The following SLC9C1 variants were observed in gnomAD, a reference collection of about 807,000 sequenced individuals.
SLC9C1 encodes solute carrier family 9 member C1, also known as sodium/hydrogen exchanger 10.
Under a neutral mutation model 140.9 loss-of-function variants are expected in SLC9C1, and 97 were observed. The observed-to-expected ratio is 0.69, with a 90% CI of 0.58 to 0.82. The LOEUF (loss-of-function observed/expected upper bound fraction) is 0.82, where lower values mean the gene tolerates loss of function less well. Among genes scored for constraint, SLC9C1 ranks in the 40% least tolerant of loss-of-function variants. The pLI, the probability that SLC9C1 is intolerant of heterozygous loss-of-function variation, is 0.00. For missense variants in SLC9C1, 1,340 were observed against 1,389.3 expected, an observed-to-expected ratio of 0.96 and a Z score of 0.56; for synonymous variants, 440 against 442.6, an observed-to-expected ratio of 0.99 and a Z score of 0.07.
rs565812796 is a variant in SLC9C1, at chr3:112,250,277, G to C, written c.1198-6201C>G. ...TTATGGCTGCATAGTATTCCATGGT[G>C]TATATGTGCCACATTTTCTTAATCC... On this transcript the variant is annotated intron_variant, in intron 10 of 28. Coordinates refer to ENST00000305815, the MANE Select transcript of SLC9C1 (RefSeq NM_183061.3). 2.5e-3 allele frequency among the ~76,000 whole-genome samples: 377 copies of C among 151,938 alleles called. 2 individuals are homozygous for C. The highest frequency in any genetic ancestry group is 8.6e-3 in the African/African-American group (354 of 41,398).
At position 112,260,922 on chromosome 3, in the gene SLC9C1, C is replaced by CT. The variant is rs555295298; in HGVS notation, c.1197+2001dup. Reference sequence around the variant, plus strand: ...AAGGAAATTTAAATTTCTGGTGCTCCTTTTTCTACACAATTCTTCCCTCCA... The same window carrying CT: ...AAGGAAATTTAAATTTCTGGTGCTCCTTTTTTCTACACAATTCTTCCCTCCA... On this transcript the variant is annotated intron_variant, in intron 10 of 28. Transcript: ENST00000305815. Among the ~76,000 whole-genome samples, 12 of 152,114 alleles carry CT rather than the reference C, an allele frequency of 7.9e-5. No homozygotes were observed. In the East Asian group the frequency reaches 2.1e-3, roughly 27 times the overall value.
At chr3:112,284,360 T>A (rs2080443571) in intron 2 of SLC9C1, among the ~76,000 whole-genome samples, 1 of 152,182 alleles carries the variant, frequency 6.6e-6, no homozygotes, top group African/African-American at 2.4e-5. Context: ...AAGTGATAAC[T>A]TTAGTTACTG....
intron 16 of SLC9C1, among the ~76,000 whole-genome samples, chr3:112,204,900 A>G (rs2078002920): frequency 6.6e-6 from 1 of 152,102 alleles, no homozygotes; most frequent in Non-Finnish European, 1.5e-5. Flanking sequence ...ATTTAAAAAT[A>G]TATTTATTAA....
intron 3 of SLC9C1, 187 bp from the exon 4 acceptor site, chr3:112,279,044 T>C (rs1332214881): frequency 1.2e-5 from 6 of 481,458 alleles, no homozygotes; most frequent in African/African-American, 4.1e-5. Flanking sequence ...GTAGAAGATA[T>C]GTGTGGAAGA....
intron 28 of SLC9C1, among the ~76,000 whole-genome samples, chr3:112,150,995 G>A (rs190111419): frequency 2.2e-4 from 33 of 151,332 alleles, no homozygotes; most frequent in African/African-American, 6.5e-4. Flanking sequence ...CTGCCACAGC[G>A]CCTGGCTAAT....
intron 2 of SLC9C1, among the ~76,000 whole-genome samples, chr3:112,284,905 A>T (rs1318083793): frequency 1.3e-5 from 2 of 151,488 alleles, no homozygotes; most frequent in Non-Finnish European, 2.9e-5. Flanking sequence ...AATTACTAAA[A>T]TATTTTAAAT....
chr3:112,199,778 A>T lies in SLC9C1; in HGVS notation c.2375-309T>A, dbSNP rs1166901727. The stretch of plus-strand genomic sequence containing the variant: ...GGACACTAGGAGGCTGCTCAGGGCT[A>T]TATGTCTGGAGTTCATGACTCATTT... On this transcript the variant is annotated intron_variant, in intron 19 of 28. Transcript: ENST00000305815. 2.0e-5 allele frequency among the ~76,000 whole-genome samples: 3 copies of T among 151,994 alleles called. No homozygotes were observed. The East Asian group carries it at 5.8e-4, about 29-fold the overall frequency.
At chr3:112,200,841 T>A in intron 18 of SLC9C1, 79 bp from the exon 19 acceptor site, 1 of 1,256,640 alleles carries the variant, frequency 8.0e-7, no homozygotes, top group South Asian at 1.3e-5. Context: ...ACTGATGGAT[T>A]TTTAACCTAA....
chr3:112,183,062 G>A (rs2077467704), intron 20 of SLC9C1, among the ~76,000 whole-genome samples: 1 of 152,124 alleles, frequency 6.6e-6, no homozygotes, highest in African/African-American at 2.4e-5. Flanking sequence ...ATGCCGCTAC[G>A]AATATAGTGT....
At chr3:112,251,734 T>C (rs1017953093) in intron 10 of SLC9C1, among the ~76,000 whole-genome samples, 2 of 152,046 alleles carry the variant, frequency 1.3e-5, no homozygotes, top group East Asian at 3.9e-4. Flanking sequence ...TAGCCATTGT[T>C]GCCTTTAGTG....
chr3:112,292,279 A>T (rs1035990493), intron 1 of SLC9C1, among the ~76,000 whole-genome samples: 2 of 152,226 alleles, frequency 1.3e-5, no homozygotes, highest in Non-Finnish European at 2.9e-5. Flanking sequence ...AATTATAATC[A>T]CATTAATAAT....
chr3:112,265,865 T>A (rs1205507419), intron 8 of SLC9C1, among the ~76,000 whole-genome samples: 1 of 152,128 alleles, frequency 6.6e-6, no homozygotes, highest in East Asian at 1.9e-4. Context: ...TAAGTTCAAC[T>A]TAATTAAACT....
intron 10 of SLC9C1, among the ~76,000 whole-genome samples, chr3:112,252,310 C>T (rs1003476672): frequency 6.6e-6 from 1 of 152,074 alleles, no homozygotes; most frequent in Non-Finnish European, 1.5e-5. Context: ...CTTCCCCAGG[C>T]AGAATTTCCT....
Position 112,275,040 on chromosome 3 carries a change from G to A in SLC9C1, c.485-15C>T. The A allele has an allele frequency of 4.5e-6, 7 of 1,538,854 alleles. No homozygotes were observed. The highest frequency in any genetic ancestry group is 1.4e-5 in the African/African-American group (1 of 70,226). Reference sequence around the variant, plus strand: ...TCTAGAAAGCCCTACATATGTTGAGGGGGAAAGATGTTTTTTAAAGTGAGA... The same window carrying A: ...TCTAGAAAGCCCTACATATGTTGAGAGGGAAAGATGTTTTTTAAAGTGAGA... On this transcript the variant is annotated splice_polypyrimidine_tract_variant and intron_variant, in intron 5 of 28. Transcript: ENST00000305815.
At chr3:112,145,420 T>G (rs1015297265) in intron 28 of SLC9C1, among the ~76,000 whole-genome samples, 1 of 152,156 alleles carries the variant, frequency 6.6e-6, no homozygotes, top group African/African-American at 2.4e-5. Flanking sequence ...GTAGTTGTCT[T>G]TTTTCATTGT....
chr3:112,263,933 A>C (rs1004085892), intron 9 of SLC9C1, among the ~76,000 whole-genome samples: 2 of 151,962 alleles, frequency 1.3e-5, no homozygotes, highest in South Asian at 2.1e-4. Flanking sequence ...TAGGTACTTA[A>C]CTTCATGAAA....
chr3:112,182,085 A>G, intron 21 of SLC9C1, 48 bp downstream of exon 21: 2 of 1,252,514 alleles, frequency 1.6e-6, no homozygotes, highest in South Asian at 2.0e-5. Context: ...TTTAAAGATT[A>G]TTTGTTAGTA....
intron 10 of SLC9C1, among the ~76,000 whole-genome samples, chr3:112,252,480 G>A (rs1380043358): frequency 6.6e-6 from 1 of 152,130 alleles, no homozygotes; most frequent in Non-Finnish European, 1.5e-5. Flanking sequence ...GAAGCAACTG[G>A]AGGTTTAAGC....
chr3:112,290,814 C>CTTTTTTTTTTT (rs11412854), intron 1 of SLC9C1, among the ~76,000 whole-genome samples: 2 of 137,964 alleles, frequency 1.4e-5, no homozygotes, highest in Non-Finnish European at 3.1e-5. Flanking sequence ...TCTTTTCCTT[C>CTTTTTTTTTTT]TTTTTTTTTT....
Sources: allele counts gnomAD v4.1 joint callset (sites outside exome capture counted in the v4.1 genomes callset), GRCh38; gene constraint gnomAD v4.1.1; transcripts MANE v1.5; gene names NCBI Gene and HGNC (gene_info 2026-07-23, HGNC 2026-07-21).